ARHGEF10L: variants seen among roughly 807,000 people sequenced by gnomAD.
ARHGEF10L encodes rho guanine nucleotide exchange factor 10-like protein.
In ARHGEF10L, 69 loss-of-function variants were observed where a neutral mutation model predicts 141.2. That is an observed-to-expected ratio of 0.49 (90% CI 0.40 to 0.60). The LOEUF (loss-of-function observed/expected upper bound fraction) is 0.60, where lower values mean the gene tolerates loss of function less well. Among genes scored for constraint, ARHGEF10L ranks in the 20% least tolerant of loss-of-function variants. The pLI, the probability that ARHGEF10L is intolerant of heterozygous loss-of-function variation, is 0.00. For missense variants in ARHGEF10L, 1,482 were observed against 1,734.3 expected, an observed-to-expected ratio of 0.85 and a Z score of 2.58; for synonymous variants, 711 against 718.5, an observed-to-expected ratio of 0.99 and a Z score of 0.17.
the ARHGEF10L span, among the ~76,000 whole-genome samples, chr1:17,517,286 G>C: frequency 1.3e-5 from 2 of 152,190 alleles, no homozygotes; most frequent in African/African-American, 2.4e-5. Context: ...GGGAAATCTT[G>C]TTGTGAAGCT....
rs1382698993 is a variant in ARHGEF10L, at chr1:17,558,824, A to C, written c.-44+18874A>C. 1.3e-5 allele frequency among the ~76,000 whole-genome samples: 2 copies of C among 152,204 alleles called. No homozygotes were observed. The highest frequency in any genetic ancestry group is 1.3e-4 in the Admixed American group (2 of 15,284). On this transcript the variant is annotated intron_variant, in intron 1 of 28. Transcript: ENST00000361221. This position sits in a 1 kb window ranked among gnomAD's most constrained non-coding sequence, Gnocchi z 4.2. Reference sequence around the variant, plus strand: ...GCTGTGGCTCTGTGGGGCCACAGATAGGGTCCAGGCAGGGGACAACACTGT... The same window carrying C: ...GCTGTGGCTCTGTGGGGCCACAGATCGGGTCCAGGCAGGGGACAACACTGT...
intron 19 of ARHGEF10L, among the ~76,000 whole-genome samples, chr1:17,638,298 C>A (rs2061133343): frequency 6.6e-6 from 1 of 152,204 alleles, no homozygotes. Context: ...CCTCCTGGGC[C>A]TCTACCCAGT....
At chr1:17,554,232 A>G (rs1176784758) in intron 1 of ARHGEF10L, among the ~76,000 whole-genome samples, 1 of 152,164 alleles carries the variant, frequency 6.6e-6, no homozygotes, top group African/African-American at 2.4e-5. Context: ...CACAGTGAGG[A>G]TGGTGAGGGG....
chr1:17,589,857 C>G (rs2100697529), intron 4 of ARHGEF10L, among the ~76,000 whole-genome samples: 1 of 152,158 alleles, frequency 6.6e-6, no homozygotes, highest in Admixed American at 6.5e-5. Context: ...GACGGACGCC[C>G]AGGGAGCTGG....
At chr1:17,676,020 G>T (rs1266730356) in intron 26 of ARHGEF10L, among the ~76,000 whole-genome samples, 2 of 147,258 alleles carry the variant, frequency 1.4e-5, no homozygotes, top group Non-Finnish European at 3.0e-5. Flanking sequence ...GTGGATGCAG[G>T]TATGTGTGCA....
intron 26 of ARHGEF10L, among the ~76,000 whole-genome samples, chr1:17,683,439 C>A (rs546916490): frequency 6.6e-6 from 1 of 152,106 alleles, no homozygotes; most frequent in East Asian, 1.9e-4. Context: ...GCTCACTGCC[C>A]CCTGCTCTCA....
intron 1 of ARHGEF10L, among the ~76,000 whole-genome samples, chr1:17,578,362 A>G (rs1423740699): frequency 6.6e-6 from 1 of 152,226 alleles, no homozygotes; most frequent in Non-Finnish European, 1.5e-5. Flanking sequence ...TCACACGCTT[A>G]GCAGAGAGTA....
chr1:17,557,007 G>A (rs557357044), intron 1 of ARHGEF10L, among the ~76,000 whole-genome samples: 1 of 149,564 alleles, frequency 6.7e-6, no homozygotes, highest in Non-Finnish European at 1.5e-5. Flanking sequence ...CCTCCAGTTC[G>A]GACAACATAG....
At position 17,603,424 on chromosome 1, in the gene ARHGEF10L, G is replaced by T; in HGVS notation, c.350-84G>T. On this transcript the variant is annotated intron_variant, in intron 5 of 28. Transcript: ENST00000361221. This position sits in a 1 kb window ranked among gnomAD's most constrained non-coding sequence, Gnocchi z 4.8. ...GGAGGGTGCTGCGTGCCACCAGCTG[G>T]TGCAGTCCTGATGTCATCTGCAGCA... is the stretch of plus-strand genomic sequence containing the variant. 9.3e-7 allele frequency: 1 copy of T among 1,079,772 alleles called. No individual in the cohort carries two copies. Among genetic ancestry groups the T allele is most frequent in the Non-Finnish European group, 1.4e-6 (1 of 737,468 alleles). 66.9% of individuals were successfully genotyped at this position (1,079,772 alleles called of 1,614,324 possible).
intron 23 of ARHGEF10L, 30 bp from the exon 24 acceptor site, chr1:17,655,849 C>T: frequency 6.5e-7 from 1 of 1,544,190 alleles, no homozygotes. Flanking sequence ...TGGTTCCCAC[C>T]TGATGGCCTC....
chr1:17,600,876 C>T (rs1311508898), intron 4 of ARHGEF10L, among the ~76,000 whole-genome samples: 2 of 151,770 alleles, frequency 1.3e-5, no homozygotes, highest in Non-Finnish European at 2.9e-5. Context: ...ATGGTGAAAC[C>T]CCATCTCTAC....
chr1:17,585,143 C>T (rs1029968498), intron 2 of ARHGEF10L, among the ~76,000 whole-genome samples: 1 of 152,152 alleles, frequency 6.6e-6, no homozygotes, highest in Admixed American at 6.5e-5. Flanking sequence ...TTGGGAATCC[C>T]CTAATTAAAC....
intron 26 of ARHGEF10L, among the ~76,000 whole-genome samples, chr1:17,675,649 T>G (rs114770424): frequency 0.032 from 3,685 of 114,020 alleles, 157 homozygotes; most frequent in African/African-American, 0.11. Flanking sequence ...GTGCAGGTGT[T>G]GGTGCAGGCA....
At chr1:17,638,483 G>A (rs2061146439) in intron 19 of ARHGEF10L, 79 bp from the exon 20 acceptor site, 4 of 1,583,914 alleles carry the variant, frequency 2.5e-6, no homozygotes, top group Non-Finnish European at 3.4e-6. Context: ...CTGGGGTGCT[G>A]TGATTCCTAT....
At chr1:17,652,114 A>G (rs2061970263) in intron 22 of ARHGEF10L, among the ~76,000 whole-genome samples, 1 of 152,014 alleles carries the variant, frequency 6.6e-6, no homozygotes, top group Non-Finnish European at 1.5e-5. Context: ...GGCCCAGACT[A>G]TTTGTCTAGG....
rs547789546 is a variant in ARHGEF10L, at chr1:17,643,549, A to C, written c.2272+3247A>C. ...TGGCACACAGGAAGGTTTGAGAGGCAGTAAGGGGTGGTCCTCAGCACCATG... is the reference window on the plus strand; with the variant it reads ...TGGCACACAGGAAGGTTTGAGAGGCCGTAAGGGGTGGTCCTCAGCACCATG... On this transcript the variant is annotated intron_variant, in intron 21 of 28. Coordinates refer to ENST00000361221, the MANE Select transcript of ARHGEF10L (RefSeq NM_018125.4). Among the ~76,000 whole-genome samples the C allele has an allele frequency of 3.4e-3, 521 of 152,324 alleles. 3 individuals carry two copies. Among genetic ancestry groups the C allele is most frequent in the South Asian group, 0.013 (63 of 4,828 alleles).
intron 25 of ARHGEF10L, among the ~76,000 whole-genome samples, chr1:17,662,671 TG>T (rs1339796942): frequency 7.9e-6 from 1 of 126,306 alleles, no homozygotes; most frequent in Non-Finnish European, 1.7e-5. Flanking sequence ...TGGCAGAGCA[TG>T]GGGTAGGCCA....
At position 17,656,057 on chromosome 1, in the gene ARHGEF10L, C is replaced by T. The variant is rs912875134; in HGVS notation, c.2660C>T (p.Ser887Leu). ...RDESPTVADP[S>L]ATVHPTICLG... ...GAGAGCCCGACAGTTGCTGACCCCT[C>T]GGCCACGGTGCATCCAACCATCTGC... The change falls in exon 24 of 29, where the codon TCG (serine) becomes TTG (leucine). Residue 887 changes from serine (S) to leucine (L), a missense_variant. Physicochemically the swap from Ser to Leu is moderately radical, Grantham distance 145. Around this residue, in one of 3 missense-constraint regions of ARHGEF10L, gnomAD observed 858 missense variants for 966.3 expected, o/e 0.89. Transcript: ENST00000361221. The surrounding 1 kb of genome is among the most constrained non-coding windows in gnomAD (Gnocchi z 4.9). The T allele has an allele frequency of 3.4e-5, 53 of 1,564,814 alleles. No homozygotes were observed. The highest frequency in any genetic ancestry group is 7.1e-5 in the South Asian group (6 of 84,926).
intron 25 of ARHGEF10L, among the ~76,000 whole-genome samples, chr1:17,660,780 G>A (rs2062573486): frequency 6.6e-6 from 1 of 152,220 alleles, no homozygotes; most frequent in South Asian, 2.1e-4. Context: ...CTGTCATACA[G>A]GGGCAGGCTT....
Sources: allele counts gnomAD v4.1 joint callset (sites outside exome capture counted in the v4.1 genomes callset), GRCh38; gene constraint gnomAD v4.1.1; regional missense constraint gnomAD v4.1.1; non-coding constraint Gnocchi (gnomAD v3.1); transcripts MANE v1.5; gene names NCBI Gene and HGNC (gene_info 2026-07-23, HGNC 2026-07-21).